ABCC4: variants seen among roughly 807,000 people sequenced by gnomAD.
ABCC4 encodes the protein ATP binding cassette subfamily C member 4 (PEL blood group), also known as ATP-binding cassette sub-family C member 4.
In ABCC4, 102 loss-of-function variants were observed where a neutral mutation model predicts 168.5. The observed-to-expected ratio is 0.61, with a 90% confidence interval of 0.52 to 0.71. ABCC4 has a LOEUF of 0.71. Among genes scored for constraint, ABCC4 ranks in the 30% least tolerant of loss-of-function variants. The pLI, the probability that ABCC4 is intolerant of heterozygous loss-of-function variation, is 0.00. For missense variants in ABCC4, 1,402 were observed against 1,605.8 expected (o/e 0.87, Z 2.17); for synonymous variants, 617 against 590.7 (o/e 1.04, Z -0.65).
intron 19 of ABCC4, among the ~76,000 whole-genome samples, chr13:95,122,298 T>C (rs547243533): frequency 2.6e-5 from 4 of 152,170 alleles, no homozygotes; most frequent in Non-Finnish European, 5.9e-5. Context: ...CAAAACATCT[T>C]ACGCGTATCT....
At chr13:95,071,627 T>C in intron 25 of ABCC4, 35 bp downstream of exon 25, 1 of 1,397,454 alleles carries the variant, frequency 7.2e-7, no homozygotes, top group East Asian at 2.7e-5. Flanking sequence ...CTAAATCTTC[T>C]GAAATTGAGA....
intron 1 of ABCC4, among the ~76,000 whole-genome samples, chr13:95,281,026 G>C (rs2041107902): frequency 6.6e-6 from 1 of 151,798 alleles, no homozygotes. Flanking sequence ...TTTAATACTG[G>C]ATGCTAAGAA....
chr13:95,040,419 A>G (rs1368020945), intron 29 of ABCC4, among the ~76,000 whole-genome samples: 2 of 152,092 alleles, frequency 1.3e-5, no homozygotes, highest in Non-Finnish European at 2.9e-5. Flanking sequence ...TTTTTAGTAG[A>G]GACAGGGTTT....
intron 18 of ABCC4, among the ~76,000 whole-genome samples, chr13:95,162,813 A>G (rs1039051197): frequency 2.0e-5 from 3 of 152,244 alleles, no homozygotes; most frequent in Non-Finnish European, 2.9e-5. Context: ...GTATAATGAT[A>G]TAAGATTTAG....
chr13:95,130,637 G>A (rs114588235), intron 19 of ABCC4, among the ~76,000 whole-genome samples: 2,279 of 152,242 alleles, frequency 0.015, 64 homozygotes, highest in African/African-American at 0.052. Context: ...AAACATTTCT[G>A]CAGTAAATAA....
At chr13:95,146,418 AG>A (rs976208784) in intron 19 of ABCC4, among the ~76,000 whole-genome samples, 2 of 152,192 alleles carry the variant, frequency 1.3e-5, no homozygotes, top group African/African-American at 4.8e-5. Context: ...AAAAGTTGGA[AG>A]AAACAAACAC....
chr13:95,260,068 G>C (rs939816893), intron 1 of ABCC4, among the ~76,000 whole-genome samples: 2 of 152,156 alleles, frequency 1.3e-5, no homozygotes, highest in Non-Finnish European at 2.9e-5. Context: ...CTATGAATCA[G>C]GAACTCTGAG....
intron 30 of ABCC4, among the ~76,000 whole-genome samples, chr13:95,030,479 C>T (rs1221009412): frequency 6.6e-6 from 1 of 152,114 alleles, no homozygotes; most frequent in African/African-American, 2.4e-5. Flanking sequence ...CCCCTAAATT[C>T]CTATGTTGAA....
chr13:95,197,273 C>T (rs768936752), intron 8 of ABCC4, among the ~76,000 whole-genome samples: 80 of 152,132 alleles, frequency 5.3e-4, no homozygotes, highest in Non-Finnish European at 6.0e-4. Flanking sequence ...CAGCAACAAG[C>T]AAAAGGTTAT....
intron 30 of ABCC4, among the ~76,000 whole-genome samples, chr13:95,025,920 A>C (rs2031519517): frequency 6.6e-6 from 1 of 152,192 alleles, no homozygotes; most frequent in Admixed American, 6.5e-5. Flanking sequence ...GAAAAGTGAA[A>C]ATATCAAAGA....
intron 1 of ABCC4, among the ~76,000 whole-genome samples, chr13:95,248,769 C>T (rs1188833341): frequency 6.6e-6 from 1 of 152,122 alleles, no homozygotes; most frequent in Non-Finnish European, 1.5e-5. Context: ...AAGAAAAAGG[C>T]TGGGCAGTGG....
chr13:95,177,725 C>T lies in ABCC4; in HGVS notation c.1709G>A (p.Ser570Asn), dbSNP rs775468503. The part of the protein sequence containing the change: ...DPLSAVDAEV[S>N]RHLFELCICQ... ...CACTCACAGTTCGAACAAGTGTCTG[C>T]TAACTTCCGCATCTACTGCACTGAG... Residue 570 changes from serine to asparagine, a missense_variant, in exon 13 of 31, where the codon AGC becomes AAC. By Grantham distance (46) the Ser-to-Asn change is conservative. This residue lies in a region of ABCC4 where 1,007 missense variants were observed against 1,127.3 expected (regional missense o/e 0.89). Transcript: ENST00000645237. 54 of 1,610,366 alleles carry T rather than the reference C, an allele frequency of 3.4e-5. No homozygotes were observed. The highest frequency in any genetic ancestry group is 2.6e-5 in the Non-Finnish European group (31 of 1,177,102).
rs367767842 is a variant in ABCC4 at position 95,111,374 on chromosome 13, T to C, written c.2535+4548A>G. 1.2e-3 allele frequency among the ~76,000 whole-genome samples: 176 copies of C among 152,360 alleles called. 1 individual carries two copies. Among genetic ancestry groups the C allele is most frequent in the African/African-American group, 4.1e-3 (169 of 41,598 alleles). ...ATTATCTGATTAGCCCATGGCAACC[T>C]TGAGGTAACTTGCAGACTGTTCATT... On this transcript the variant is annotated intron_variant, in intron 20 of 30. Coordinates refer to ENST00000645237, the MANE Select transcript of ABCC4 (RefSeq NM_005845.5).
intron 20 of ABCC4, among the ~76,000 whole-genome samples, chr13:95,100,862 T>C (rs901262764): frequency 4.6e-5 from 7 of 151,906 alleles, no homozygotes; most frequent in Non-Finnish European, 7.4e-5. Context: ...AGGGTAGGAG[T>C]TGGGGGAAGG....
At chr13:95,081,957 G>A (rs58009084) in intron 21 of ABCC4, among the ~76,000 whole-genome samples, 9,967 of 152,074 alleles carry the variant, frequency 0.066, 1,067 homozygotes, top group African/African-American at 0.22. Flanking sequence ...CTGAGATTGC[G>A]CCACTGCACT....
In ABCC4 at chr13:95,089,056, C is replaced by T. The variant is rs193007320; in HGVS notation, c.2536-5766G>A. Among the ~76,000 whole-genome samples, 9 of 152,020 alleles carry T rather than the reference C, an allele frequency of 5.9e-5. No individual in the cohort carries two copies. In the South Asian group the frequency reaches 1.0e-3, roughly 18 times the overall value. ...ATTAAAAAGAATATATAATAAACACCGTTCCAATAAATTAAAAATTTTGAT... is the reference window on the plus strand; with the variant it reads ...ATTAAAAAGAATATATAATAAACACTGTTCCAATAAATTAAAAATTTTGAT... On this transcript the variant is annotated intron_variant, in intron 20 of 30. Transcript: ENST00000645237.
intron 25 of ABCC4, among the ~76,000 whole-genome samples, chr13:95,066,720 T>C (rs950363482): frequency 6.6e-6 from 1 of 152,226 alleles, no homozygotes; most frequent in Non-Finnish European, 1.5e-5. Flanking sequence ...AGTGATGGAA[T>C]GGGACGGAAA....
intron 11 of ABCC4, among the ~76,000 whole-genome samples, chr13:95,180,922 TG>T (rs1041118439): frequency 6.6e-6 from 1 of 152,204 alleles, no homozygotes; most frequent in African/African-American, 2.4e-5. Flanking sequence ...GTTGTTGACT[TG>T]GCAAACTATT....
chr13:95,196,205 T>C (rs555756177), intron 8 of ABCC4, among the ~76,000 whole-genome samples: 80 of 126,584 alleles, frequency 6.3e-4, no homozygotes, highest in African/African-American at 2.0e-3. Flanking sequence ...CCATCCAAAA[T>C]TTTGTAGATG....
Sources: allele counts gnomAD v4.1 joint callset (sites outside exome capture counted in the v4.1 genomes callset), GRCh38; gene constraint gnomAD v4.1.1; regional missense constraint gnomAD v4.1.1; transcripts MANE v1.5; gene names NCBI Gene and HGNC (gene_info 2026-07-23, HGNC 2026-07-21).